Variants in IQCM observed in about 807,000 individuals in gnomAD.
IQCM encodes IQ motif containing M.
IQCM carries 45 observed loss-of-function variants against 57.6 expected under a neutral mutation model. That is an observed-to-expected ratio of 0.78 (90% CI 0.62 to 1.00). The LOEUF (loss-of-function observed/expected upper bound fraction) is 1.00, where lower values mean the gene tolerates loss of function less well. IQCM is among the 50% of genes least tolerant of loss of function. IQCM has a pLI of 0.00. For synonymous variants in IQCM, 148 were observed against 158.9 expected, an observed-to-expected ratio of 0.93 and a Z score of 0.51; for missense variants, 468 against 511.6, an observed-to-expected ratio of 0.91 and a Z score of 0.82.
At chr4:149,631,528 T>C (rs1757263800) in intron 7 of IQCM, among the ~76,000 whole-genome samples, 1 of 152,180 alleles carries the variant, frequency 6.6e-6, no homozygotes, top group African/African-American at 2.4e-5. Flanking sequence ...AAGTTATGCT[T>C]ATGAAGTATT....
chr4:149,695,205 T>A (rs976409711), intron 5 of IQCM, among the ~76,000 whole-genome samples: 1 of 152,140 alleles, frequency 6.6e-6, no homozygotes, highest in East Asian at 1.9e-4. Context: ...TATGCATCCA[T>A]CCATTTATTC....
At chr4:149,507,640 G>A (rs1055245615) in intron 12 of IQCM, among the ~76,000 whole-genome samples, 1 of 152,116 alleles carries the variant, frequency 6.6e-6, no homozygotes, top group Non-Finnish European at 1.5e-5. Flanking sequence ...GAGGTGACTT[G>A]GGTACTGTTA....
At chr4:149,415,671 G>A (rs1033163988) in intron 13 of IQCM, among the ~76,000 whole-genome samples, 13 of 152,062 alleles carry the variant, frequency 8.5e-5, no homozygotes, top group African/African-American at 2.9e-4. Context: ...AGGAGTCAGG[G>A]ATGAGACTAA....
chr4:149,663,031 G>T (rs1204584334), intron 7 of IQCM, among the ~76,000 whole-genome samples: 1 of 151,628 alleles, frequency 6.6e-6, no homozygotes, highest in South Asian at 2.1e-4. Context: ...GTGATGCTAG[G>T]CTTTGTTTCC....
intron 12 of IQCM, among the ~76,000 whole-genome samples, chr4:149,496,744 G>C (rs1742697575): frequency 6.6e-6 from 1 of 152,084 alleles, no homozygotes; most frequent in Non-Finnish European, 1.5e-5. Flanking sequence ...GTAGTAACTT[G>C]CTATAGCATC....
rs78158499 is a variant in IQCM at position 149,754,129 on chromosome 4, G to C, written c.-48-11390C>G. Among the ~76,000 whole-genome samples, 850 of 152,232 alleles carry C rather than the reference G, an allele frequency of 5.6e-3. 11 individuals are homozygous for C. Among genetic ancestry groups the C allele is most frequent in the African/African-American group, 0.019 (805 of 41,542 alleles). ...CCCCTAAAGAACTTATTACCCAGCT[G>C]CTAGCAATGCTACCAGATTATAGTC... On this transcript the variant is annotated intron_variant, in intron 2 of 13. Coordinates refer to ENST00000636793, the MANE Select transcript of IQCM (RefSeq NM_001363507.2).
chr4:149,396,545 T>C (rs1338336792), intron 13 of IQCM, among the ~76,000 whole-genome samples: 1 of 152,054 alleles, frequency 6.6e-6, no homozygotes, highest in African/African-American at 2.4e-5. Flanking sequence ...AGTAGGTCAT[T>C]ATTGTTCTTT....
At chr4:149,679,003 C>T (rs1302748908) in intron 7 of IQCM, among the ~76,000 whole-genome samples, 1 of 151,564 alleles carries the variant, frequency 6.6e-6, no homozygotes, top group Non-Finnish European at 1.5e-5. Context: ...CTAGAACTAC[C>T]GTATGATCCA....
intron 2 of IQCM, chr4:149,780,306 C>CA (rs1283718400): frequency 6.6e-6 from 1 of 152,054 alleles, no homozygotes; most frequent in Non-Finnish European, 1.5e-5. Flanking sequence ...TCTTTGTTGA[C>CA]ACGTCTTGAT....
At chr4:149,425,258 G>T (rs189323451) in intron 13 of IQCM, among the ~76,000 whole-genome samples, 1 of 151,934 alleles carries the variant, frequency 6.6e-6, no homozygotes, top group East Asian at 1.9e-4. Context: ...CAGAGGAACA[G>T]ATCCAATAGG....
intron 7 of IQCM, among the ~76,000 whole-genome samples, chr4:149,635,962 T>C (rs1447455225): frequency 6.6e-6 from 1 of 152,176 alleles, no homozygotes; most frequent in African/African-American, 2.4e-5. Context: ...AAAAATCAAA[T>C]GCATTACACC....
chr4:149,758,409 T>G (rs185616614), intron 2 of IQCM, among the ~76,000 whole-genome samples: 1 of 152,102 alleles, frequency 6.6e-6, no homozygotes, highest in East Asian at 1.9e-4. Flanking sequence ...TCTAGATAAC[T>G]TGGTTTGGTG....
chr4:149,532,305 G>C (rs2149854815), intron 12 of IQCM, among the ~76,000 whole-genome samples: 1 of 152,062 alleles, frequency 6.6e-6, no homozygotes, highest in East Asian at 1.9e-4. Flanking sequence ...GTCCATTAGG[G>C]ATTCTCAGTG....
At chr4:149,582,111 T>C (rs1752242049) in intron 9 of IQCM, among the ~76,000 whole-genome samples, 2 of 150,874 alleles carry the variant, frequency 1.3e-5, no homozygotes, top group South Asian at 4.2e-4. Context: ...AGAAAAATTC[T>C]ATAGAAGGAG....
rs993450607 is a variant in IQCM at position 149,575,470 on chromosome 4, C to T, written c.750-11580G>A. On this transcript the variant is annotated intron_variant, in intron 9 of 13. Transcript: ENST00000636793. ...CTTTCTAAAATAAGATGCACTCCTC[C>T]TGAAGTGGAAGATAATGTCACTTTA... Among the ~76,000 whole-genome samples, 5 of 151,836 alleles carry T rather than the reference C, an allele frequency of 3.3e-5. 1 individual carries two copies. The highest frequency in any genetic ancestry group is 7.2e-5 in the African/African-American group (3 of 41,386).
chr4:149,530,785 A>T (rs1746650915), intron 12 of IQCM, among the ~76,000 whole-genome samples: 1 of 49,728 alleles, frequency 2.0e-5, no homozygotes, highest in Non-Finnish European at 3.9e-5. Flanking sequence ...ACTCAGACAC[A>T]GACACCCCCA....
intron 13 of IQCM, among the ~76,000 whole-genome samples, chr4:149,433,091 A>C (rs1735021139): frequency 6.6e-6 from 1 of 151,970 alleles, no homozygotes; most frequent in South Asian, 2.1e-4. Context: ...CACATGTCTA[A>C]ACATAGTCCT....
chr4:149,718,548 T>G (rs533684131), intron 5 of IQCM, among the ~76,000 whole-genome samples: 3 of 152,316 alleles, frequency 2.0e-5, no homozygotes, highest in African/African-American at 7.2e-5. Context: ...AGAATTGAAA[T>G]GTACTTTCAG....
At chr4:149,522,614 G>C (rs1263069169) in intron 12 of IQCM, among the ~76,000 whole-genome samples, 2 of 152,034 alleles carry the variant, frequency 1.3e-5, no homozygotes, top group African/African-American at 4.8e-5. Context: ...AAGACATAGA[G>C]GGGGAAAAAG....
Sources: allele counts gnomAD v4.1 joint callset (sites outside exome capture counted in the v4.1 genomes callset), GRCh38; gene constraint gnomAD v4.1.1; transcripts MANE v1.5; gene names NCBI Gene and HGNC (gene_info 2026-07-23, HGNC 2026-07-21).